MAPKAP1: variants seen among roughly 807,000 people sequenced by gnomAD.
The protein encoded by MAPKAP1 is MAPK associated protein 1.
MAPKAP1 carries 20 observed loss-of-function variants against 65.7 expected under a neutral mutation model. The ratio of observed to expected loss-of-function variants is 0.30; its 90% CI spans 0.21 to 0.44. The LOEUF (loss-of-function observed/expected upper bound fraction) is 0.44, where lower values mean the gene tolerates loss of function less well. Among genes scored for constraint, MAPKAP1 ranks in the 20% least tolerant of loss-of-function variants. The pLI is 1.00. For missense variants in MAPKAP1, 423 were observed against 648.0 expected (o/e 0.65, Z 3.77); for synonymous variants, 222 against 244.3 (o/e 0.91, Z 0.85).
intron 11 of MAPKAP1, among the ~76,000 whole-genome samples, chr9:125,443,480 AG>A (rs1852571402): frequency 2.6e-5 from 4 of 152,072 alleles, no homozygotes; most frequent in African/African-American, 9.7e-5. Flanking sequence ...TGCTTGGGAG[AG>A]GCTGAGACCC....
intron 8 of MAPKAP1, among the ~76,000 whole-genome samples, chr9:125,494,323 C>A (rs546242978): frequency 6.6e-6 from 1 of 152,170 alleles, no homozygotes; most frequent in South Asian, 2.1e-4. Flanking sequence ...GCCTGCCCAC[C>A]GCTCTGCAGT....
At chr9:125,687,814 A>G (rs1247268625) in intron 1 of MAPKAP1, among the ~76,000 whole-genome samples, 1 of 152,160 alleles carries the variant, frequency 6.6e-6, no homozygotes, top group Non-Finnish European at 1.5e-5. Flanking sequence ...ATTTACAGAA[A>G]GCTAAAAAGC....
At chr9:125,681,266 A>C (rs1430584427) in intron 1 of MAPKAP1, among the ~76,000 whole-genome samples, 2 of 152,236 alleles carry the variant, frequency 1.3e-5, no homozygotes, top group Admixed American at 1.3e-4. Flanking sequence ...AATGTTGTGG[A>C]AATTCTGAAC....
intron 4 of MAPKAP1, among the ~76,000 whole-genome samples, chr9:125,589,241 A>C (rs910602614): frequency 1.3e-5 from 2 of 152,162 alleles, no homozygotes. Context: ...TTATTCTCTC[A>C]CACATGTCCT....
chr9:125,521,614 G>T, intron 7 of MAPKAP1: 1 of 1,505,412 alleles, frequency 6.6e-7, no homozygotes, highest in South Asian at 1.4e-5. Context: ...TAGCTGTGGG[G>T]AACAGACAGT....
intron 11 of MAPKAP1, among the ~76,000 whole-genome samples, chr9:125,441,481 T>C (rs1852482134): frequency 6.6e-6 from 1 of 152,226 alleles, no homozygotes; most frequent in African/African-American, 2.4e-5. Context: ...ATGTACTGCA[T>C]GTAGCTGGTG....
intron 7 of MAPKAP1, among the ~76,000 whole-genome samples, chr9:125,525,030 A>G (rs774523786): frequency 5.3e-5 from 8 of 152,214 alleles, no homozygotes; most frequent in Non-Finnish European, 1.2e-4. Context: ...AGATGCACAC[A>G]TTCTGGGCTG....
At chr9:125,550,195 C>G (rs556066114) in intron 6 of MAPKAP1, among the ~76,000 whole-genome samples, 1 of 152,202 alleles carries the variant, frequency 6.6e-6, no homozygotes, top group Admixed American at 6.5e-5. Context: ...TCTATCACAA[C>G]CTTCTGAGAA....
intron 5 of MAPKAP1, among the ~76,000 whole-genome samples, chr9:125,577,421 G>C (rs1440991009): frequency 8.3e-5 from 12 of 144,894 alleles, no homozygotes; most frequent in Admixed American, 8.1e-4. Flanking sequence ...CAGCCTCCCC[G>C]TCCGGGAGGG....
intron 4 of MAPKAP1, among the ~76,000 whole-genome samples, chr9:125,643,320 G>A (rs1177373426): frequency 2.6e-5 from 4 of 151,490 alleles, no homozygotes; most frequent in African/African-American, 7.3e-5. Context: ...TCAGCCTCCC[G>A]AGTAACTGAG....
intron 4 of MAPKAP1, among the ~76,000 whole-genome samples, chr9:125,641,784 C>G (rs890246319): frequency 2.6e-5 from 4 of 152,068 alleles, no homozygotes; most frequent in African/African-American, 9.7e-5. Flanking sequence ...GTAATCCCAG[C>G]ACTTTGGGAG....
chr9:125,519,993 T>C (rs1829574758), intron 7 of MAPKAP1, among the ~76,000 whole-genome samples: 1 of 152,164 alleles, frequency 6.6e-6, no homozygotes, highest in Non-Finnish European at 1.5e-5. Flanking sequence ...GGGAATGTTC[T>C]GCAAACTCTG....
chr9:125,508,242 A>G (rs1159027994), intron 7 of MAPKAP1, among the ~76,000 whole-genome samples: 2 of 152,226 alleles, frequency 1.3e-5, no homozygotes, highest in African/African-American at 4.8e-5. Context: ...TCTACTACCT[A>G]TCACCTGTCC....
In MAPKAP1 at chr9:125,672,621, T is replaced by C. The variant is rs751215206; in HGVS notation, c.-47A>G. The stretch of plus-strand genomic sequence containing the variant: ...TTAAAAGGCTATTTTCTCCTCTTCA[T>C]ATTGTTTCACGAGCTCACCTACCTA... On this transcript the variant is annotated 5_prime_UTR_variant, in exon 2 of 12. It adds an upstream start codon to the 5' untranslated region. Transcript: ENST00000265960. 9 of 1,599,484 alleles carry C rather than the reference T, an allele frequency of 5.6e-6. No homozygotes were observed. In the African/African-American group the frequency reaches 9.4e-5, roughly 17 times the overall value.
intron 4 of MAPKAP1, among the ~76,000 whole-genome samples, chr9:125,632,974 A>G (rs1216960904): frequency 6.6e-6 from 1 of 152,200 alleles, no homozygotes; most frequent in Non-Finnish European, 1.5e-5. Context: ...CCTATCCAAG[A>G]AAGAAATGGG....
At chr9:125,689,039 T>G (rs1835074821) in intron 1 of MAPKAP1, among the ~76,000 whole-genome samples, 1 of 152,198 alleles carries the variant, frequency 6.6e-6, no homozygotes, top group African/African-American at 2.4e-5. Context: ...GACTACATAC[T>G]ACACGCTGAG....
At chr9:125,505,088 C>A (rs188800479) in intron 8 of MAPKAP1, among the ~76,000 whole-genome samples, 31 of 152,294 alleles carry the variant, frequency 2.0e-4, no homozygotes, top group Admixed American at 7.2e-4. Flanking sequence ...TGGCTCACAT[C>A]TATAATCCCA....
At chr9:125,703,173 C>A (rs1291961230) in intron 1 of MAPKAP1, among the ~76,000 whole-genome samples, 1 of 152,082 alleles carries the variant, frequency 6.6e-6, no homozygotes, top group Non-Finnish European at 1.5e-5. Context: ...AGTTTGGGCC[C>A]GTGCTCTCCA....
At chr9:125,671,015 G>T (rs997135517) in intron 2 of MAPKAP1, among the ~76,000 whole-genome samples, 21 of 131,288 alleles carry the variant, frequency 1.6e-4, no homozygotes, top group African/African-American at 4.6e-4. Flanking sequence ...AACCAACACT[G>T]AAGAAAACTA....
Sources: gnomAD v4.1 joint callset for allele counts (sites outside exome capture counted in the v4.1 genomes callset) on GRCh38, gnomAD v4.1.1 for gene constraint, MANE v1.5 for transcripts, NCBI Gene and HGNC (gene_info 2026-07-23, HGNC 2026-07-21) for gene names.